Variants in ADARB2 observed in about 807,000 individuals in gnomAD.
ADARB2 encodes adenosine deaminase RNA specific B2 (inactive).
ADARB2 carries 25 observed loss-of-function variants against 62.2 expected under a neutral mutation model. The observed-to-expected ratio is 0.40, with a 90% CI of 0.29 to 0.56. The LOEUF is 0.56. ADARB2 is among the 20% of genes least tolerant of loss of function. The pLI, the probability that ADARB2 is intolerant of heterozygous loss-of-function variation, is 0.43. For missense variants in ADARB2, 1,071 were observed against 1,077.4 expected, an observed-to-expected ratio of 0.99 and a Z score of 0.08; for synonymous variants, 572 against 500.8, an observed-to-expected ratio of 1.14 and a Z score of -1.90.
rs189553359 is a variant in ADARB2 at position 1,220,712 on chromosome 10, T to C, written c.1514-3593A>G. Among the ~76,000 whole-genome samples the C allele has an allele frequency of 2.6e-5, 4 of 152,348 alleles. No homozygotes were observed. In the East Asian group the frequency reaches 7.7e-4, roughly 29 times the overall value. ...TATTCTCCCAACGTTTTAACTATTG[T>C]GGTCTTTTTCGAGATCTTGAAAGTT... is the stretch of plus-strand genomic sequence containing the variant. On this transcript the variant is annotated intron_variant, in intron 6 of 9. Coordinates refer to ENST00000381312, the MANE Select transcript of ADARB2 (RefSeq NM_018702.4).
At chr10:1,455,902 T>G (rs1831089925) in intron 1 of ADARB2, among the ~76,000 whole-genome samples, 1 of 152,198 alleles carries the variant, frequency 6.6e-6, no homozygotes, top group Non-Finnish European at 1.5e-5. Flanking sequence ...ACAAATAATA[T>G]TAAACAAAAG....
intron 4 of ADARB2, among the ~76,000 whole-genome samples, chr10:1,247,585 C>T (rs899156008): frequency 5.3e-5 from 8 of 152,122 alleles, no homozygotes; most frequent in Non-Finnish European, 8.8e-5. Context: ...TCTCTCCCCT[C>T]GGTGCCATGA....
At chr10:1,490,517 C>T (rs925760875) in intron 1 of ADARB2, among the ~76,000 whole-genome samples, 1 of 151,900 alleles carries the variant, frequency 6.6e-6, no homozygotes, top group African/African-American at 2.4e-5. Flanking sequence ...TGCAGTGAGA[C>T]AATCAGGGCT....
intron 1 of ADARB2, among the ~76,000 whole-genome samples, chr10:1,432,056 ATCACAGT>A: frequency 6.6e-6 from 1 of 152,322 alleles, no homozygotes; most frequent in Middle Eastern, 3.4e-3. Flanking sequence ...CATGCCATGC[ATCACAGT>A]TCATTATAAT....
chr10:1,696,282 G>A (rs1834745240), intron 1 of ADARB2, among the ~76,000 whole-genome samples: 2 of 152,070 alleles, frequency 1.3e-5, no homozygotes. Context: ...TTGTGTGTAT[G>A]CACGTGTGTT....
In ADARB2 at chr10:1,621,408, TTTTC is replaced by T. The variant is rs978733019; in HGVS notation, c.100+115639_100+115642del. Among the ~76,000 whole-genome samples the T allele has an allele frequency of 3.3e-5, 5 of 150,046 alleles. No individual in the cohort carries two copies. In the South Asian group the frequency reaches 6.2e-4, roughly 19 times the overall value. On this transcript the variant is annotated intron_variant, in intron 1 of 9. Transcript: ENST00000381312. ...ACTAGGAATAGTTTCTTCTTTTTCT[TTTTC>T]TTTCTTTCTTTTTTTTTTTTTGAGA...
At chr10:1,194,092 C>G (rs568220599) in intron 8 of ADARB2, among the ~76,000 whole-genome samples, 3 of 152,284 alleles carry the variant, frequency 2.0e-5, no homozygotes, top group South Asian at 4.1e-4. Context: ...TTTGTACTTT[C>G]TGTGTGTGAT....
Position 1,233,890 on chromosome 10 carries a change from C to A in ADARB2, c.1362-45G>T, listed in dbSNP as rs59029341. The stretch of plus-strand genomic sequence containing the variant: ...TGGGGTCATTTATCACAAACCAAAC[C>A]AGAAATGTTCCAACCAGGTGAACGC... On this transcript the variant is annotated intron_variant, in intron 5 of 9. Coordinates refer to ENST00000381312, the MANE Select transcript of ADARB2 (RefSeq NM_018702.4). 17,270 of 1,581,286 alleles carry A rather than the reference C, an allele frequency of 0.011. 1,597 individuals are homozygous for A. In the African/African-American group the frequency reaches 0.2, roughly 18 times the overall value.
At position 1,576,173 on chromosome 10, in the gene ADARB2, G is replaced by A. The variant is rs556771566; in HGVS notation, c.100+160878C>T. On this transcript the variant is annotated intron_variant, in intron 1 of 9. Coordinates refer to ENST00000381312, the MANE Select transcript of ADARB2 (RefSeq NM_018702.4). ...CCACGGTCACAGGAGGGGGGTTCAG[G>A]GTCACAGGACAGGTCTCAGGGTCAC... Among the ~76,000 whole-genome samples, 6 of 110,648 alleles carry A rather than the reference G, an allele frequency of 5.4e-5. No individual in the cohort carries two copies. In the East Asian group the frequency reaches 1.6e-3, roughly 29 times the overall value. The allele number at this position is 110,648 out of a possible 152,430, so 72.6% of individuals were successfully genotyped here.
chr10:1,583,522 G>A (rs1833134293), intron 1 of ADARB2, among the ~76,000 whole-genome samples: 1 of 152,166 alleles, frequency 6.6e-6, no homozygotes, highest in Admixed American at 6.5e-5. Context: ...CAGATGCTTA[G>A]GTATGAATCT....
chr10:1,304,224 C>T (rs1273886297), intron 3 of ADARB2, among the ~76,000 whole-genome samples: 1 of 152,082 alleles, frequency 6.6e-6, no homozygotes, highest in African/African-American at 2.4e-5. Flanking sequence ...GGGTTGCAAT[C>T]CTAGTCTCTG....
In ADARB2 at chr10:1,255,936, C is replaced by A. The variant is rs777257482; in HGVS notation, c.1193-13637G>T. ...CTGGGAGCTAACGGTGTTTACATGA[C>A]AGTGGCACATCTGGCACATTCTCCT... On this transcript the variant is annotated intron_variant, in intron 4 of 9. Coordinates refer to ENST00000381312, the MANE Select transcript of ADARB2 (RefSeq NM_018702.4). The surrounding 1 kb of genome is among the most constrained non-coding windows in gnomAD (Gnocchi z 4.7). Among the ~76,000 whole-genome samples, 2 of 152,214 alleles carry A rather than the reference C, an allele frequency of 1.3e-5. No homozygotes were observed. Among genetic ancestry groups the A allele is most frequent in the Non-Finnish European group, 2.9e-5 (2 of 68,032 alleles).
At chr10:1,324,859 G>GC (rs1366740523) in intron 3 of ADARB2, among the ~76,000 whole-genome samples, 2 of 152,130 alleles carry the variant, frequency 1.3e-5, no homozygotes, top group Admixed American at 6.5e-5. Context: ...CTAAACAAAC[G>GC]CAAGTACAAT....
At chr10:1,584,359 C>A (rs2676705) in intron 1 of ADARB2, among the ~76,000 whole-genome samples, 6,751 of 152,242 alleles carry the variant, frequency 0.044, 499 homozygotes, top group African/African-American at 0.15. Context: ...TATCATATGT[C>A]ACTAGAGAAC....
intron 3 of ADARB2, among the ~76,000 whole-genome samples, chr10:1,362,690 C>T (rs1183280078): frequency 6.6e-6 from 1 of 152,132 alleles, no homozygotes; most frequent in Non-Finnish European, 1.5e-5. Context: ...CAATTTTACC[C>T]GGCACGACCA....
intron 1 of ADARB2, among the ~76,000 whole-genome samples, chr10:1,667,804 A>G (rs575574322): frequency 1.3e-5 from 2 of 152,318 alleles, no homozygotes; most frequent in African/African-American, 4.8e-5. Flanking sequence ...TCTGATTTCC[A>G]TTTGTATTAA....
rs1217584565 is a variant in ADARB2, at chr10:1,181,842, C to T, written c.*1351G>A. 2.0e-5 allele frequency: 3 copies of T among 152,062 alleles called. No homozygotes were observed. Among genetic ancestry groups the T allele is most frequent in the Non-Finnish European group, 4.4e-5 (3 of 68,014 alleles). The allele number at this position is 152,062 out of a possible 1,614,324, so 9.4% of individuals were successfully genotyped here. On this transcript the variant is annotated 3_prime_UTR_variant, in exon 10 of 10. Coordinates refer to ENST00000381312, the MANE Select transcript of ADARB2 (RefSeq NM_018702.4). ...ATGATGAATGTTAGAAATGAGTTCT[C>T]GGAGGTGAGATGACAGCAGCTCGAG...
At chr10:1,615,488 C>T (rs10751807) in intron 1 of ADARB2, among the ~76,000 whole-genome samples, 109,373 of 152,140 alleles carry the variant, frequency 0.72, 39,547 homozygotes, top group African/African-American at 0.81. Context: ...CACAGCTGTC[C>T]GGGTGGGGCA....
intron 3 of ADARB2, among the ~76,000 whole-genome samples, chr10:1,337,407 C>G (rs1030367894): frequency 2.0e-5 from 3 of 152,142 alleles, no homozygotes; most frequent in African/African-American, 7.2e-5. Flanking sequence ...ACTGAGTAGT[C>G]CAGCTTTTCA....
Sources: gnomAD v4.1 joint callset for allele counts (sites outside exome capture counted in the v4.1 genomes callset) on GRCh38, gnomAD v4.1.1 for gene constraint, Gnocchi (gnomAD v3.1) non-coding constraint, MANE v1.5 for transcripts, NCBI Gene and HGNC (gene_info 2026-07-23, HGNC 2026-07-21) for gene names.